ASIC1: variants seen among roughly 807,000 people sequenced by gnomAD.
The protein encoded by ASIC1 is acid-sensing ion channel 1.
A neutral mutation model predicts 63.4 loss-of-function variants in ASIC1; 21 were observed. The ratio of observed to expected loss-of-function variants is 0.33; its 90% CI spans 0.23 to 0.48. The LOEUF (loss-of-function observed/expected upper bound fraction) is 0.48. ASIC1 is among the 20% of genes least tolerant of loss of function. The pLI is 0.99. For synonymous variants in ASIC1, 258 were observed against 278.2 expected, an observed-to-expected ratio of 0.93 and a Z score of 0.72; for missense variants, 478 against 695.5, an observed-to-expected ratio of 0.69 and a Z score of 3.52.
In ASIC1 at chr12:50,081,873, G is replaced by A; in HGVS notation, c.*224G>A. ...CTAATCTAAAAAAGAACTAAAAAGG[G>A]AGAACGGGGCAAGGGACCTCAGGCT... On this transcript the variant is annotated 3_prime_UTR_variant, in exon 12 of 12. Coordinates refer to ENST00000447966, the MANE Select transcript of ASIC1 (RefSeq NM_001095.4). The A allele has an allele frequency of 1.8e-6, 1 of 563,918 alleles. No homozygotes were observed. Among genetic ancestry groups the A allele is most frequent in the South Asian group, 2.2e-5 (1 of 46,442 alleles). The allele number at this position is 563,918 out of a possible 1,614,324, so 34.9% of individuals were successfully genotyped here.
chr12:50,059,708 A>T lies in ASIC1; in HGVS notation c.363-51A>T. Reference sequence around the variant, plus strand: ...TGCCCCCATCACCCAAGTTGGGTGCAGGACACTGATGACTGTACTGACCCG... The same window carrying T: ...TGCCCCCATCACCCAAGTTGGGTGCTGGACACTGATGACTGTACTGACCCG... On this transcript the variant is annotated intron_variant, in intron 2 of 11. Transcript: ENST00000447966. This position sits in a 1 kb window ranked among gnomAD's most constrained non-coding sequence, Gnocchi z 4.6. 6.4e-7 allele frequency: 1 copy of T among 1,571,528 alleles called. No individual in the cohort carries two copies. The highest frequency in any genetic ancestry group is 8.7e-7 in the Non-Finnish European group (1 of 1,154,794).
chr12:50,068,989 T>C (rs181724747), intron 3 of ASIC1, among the ~76,000 whole-genome samples: 2 of 152,306 alleles, frequency 1.3e-5, no homozygotes, highest in African/African-American at 4.8e-5. Flanking sequence ...ACGCCTTCCA[T>C]GGGGAGTCTT....
In ASIC1 at chr12:50,081,929, G is replaced by T. The variant is rs1192759137; in HGVS notation, c.*280G>T. 19 of 455,236 alleles carry T rather than the reference G, an allele frequency of 4.2e-5. No individual in the cohort carries two copies. 28.2% of individuals were successfully genotyped at this position (455,236 alleles called of 1,614,324 possible). A position where few individuals can be genotyped will look rare whatever the true frequency, so the allele number is the denominator to read the frequency against. The stretch of plus-strand genomic sequence containing the variant: ...TCTCTCCTCCATGCTGCCTCCCCTA[G>T]CTCCCAGCCTGAATTCTGTCTATCT... On this transcript the variant is annotated 3_prime_UTR_variant, in exon 12 of 12. Transcript: ENST00000447966.
rs1950738970 is a variant in ASIC1 at position 50,083,224 on chromosome 12, AAG to A, written c.*1580_*1581del. Reference sequence around the variant, plus strand: ...TTCTGGTGAGGTGGGTTTGGGAGGAAAGAGAGGCCTAGAGGAGGAGTTGAAAG... The same window carrying A: ...TTCTGGTGAGGTGGGTTTGGGAGGAAAGAGGCCTAGAGGAGGAGTTGAAAG... On this transcript the variant is annotated 3_prime_UTR_variant, in exon 12 of 12. Transcript: ENST00000447966. The A allele has an allele frequency of 2.0e-5, 3 of 152,236 alleles. No individual in the cohort carries two copies. Among genetic ancestry groups the A allele is most frequent in the African/African-American group, 7.2e-5 (3 of 41,454 alleles). 9.4% of individuals were successfully genotyped at this position (152,236 alleles called of 1,614,324 possible).
Position 50,058,970 on chromosome 12 carries a change from C to T in ASIC1, c.204C>T (p.Tyr68=), listed in dbSNP as rs1222097481. Residue 68 remains tyrosine, a synonymous_variant, in exon 2 of 12, where the codon TAC becomes TAT. Transcript: ENST00000447966. ...TGTGCACGGAGCGTGTGCAGTACTA[C>T]TTCCACTACCACCATGTCACCAAGC... ...LCVCTERVQY[Y]FHYHHVTKLD... is the part of the protein sequence containing the mutation. The T allele has an allele frequency of 2.5e-6, 4 of 1,614,238 alleles. No individual in the cohort carries two copies. The highest frequency in any genetic ancestry group is 2.5e-6 in the Non-Finnish European group (3 of 1,180,040).
chr12:50,075,938 A>G (rs906869164), intron 3 of ASIC1, among the ~76,000 whole-genome samples: 2 of 152,164 alleles, frequency 1.3e-5, no homozygotes, highest in African/African-American at 4.8e-5. Flanking sequence ...TGGGGAGAAG[A>G]CTGGGGAGAC....
chr12:50,067,911 T>G (rs1425468525), intron 3 of ASIC1, among the ~76,000 whole-genome samples: 1 of 152,176 alleles, frequency 6.6e-6, no homozygotes, highest in Non-Finnish European at 1.5e-5. Flanking sequence ...ATGCACCAGC[T>G]TGAAAAATTT....
chr12:50,074,162 A>G lies in ASIC1; in HGVS notation c.559-3051A>G, dbSNP rs926897569. ...CCCTTTAACCTGCACCGCTTCTACA[A>G]TCGCTCCTGCCACCGGCTGGAGGAC... On this transcript the variant is annotated intron_variant, in intron 3 of 11. Transcript: ENST00000447966. This position sits in a 1 kb window ranked among gnomAD's most constrained non-coding sequence, Gnocchi z 4.2. The G allele has an allele frequency of 1.1e-5, 17 of 1,534,864 alleles. No homozygotes were observed. In the Admixed American group the frequency reaches 1.2e-4, roughly 11 times the overall value.
chr12:50,063,201 G>A (rs1950516196), intron 3 of ASIC1, among the ~76,000 whole-genome samples: 1 of 152,210 alleles, frequency 6.6e-6, no homozygotes, highest in Admixed American at 6.5e-5. Flanking sequence ...ATTCCATGGA[G>A]GGGGGCTGGG....
Position 50,073,603 on chromosome 12 carries a change from T to C in ASIC1, c.559-3610T>C, listed in dbSNP as rs767738696. 13 of 1,530,540 alleles carry C rather than the reference T, an allele frequency of 8.5e-6. No homozygotes were observed. In the South Asian group the frequency reaches 1.4e-4, roughly 17 times the overall value. The allele number at this position is 1,530,540 out of a possible 1,614,324, so 94.8% of individuals were successfully genotyped here. On this transcript the variant is annotated intron_variant, in intron 3 of 11. Coordinates refer to ENST00000447966, the MANE Select transcript of ASIC1 (RefSeq NM_001095.4). ...GGAGAAAATGCCCATCCAGATCTTC[T>C]GCTCCATGTCATTCTCCTCTGGAGA... is the stretch of plus-strand genomic sequence containing the variant.
rs1318165094 is a variant in ASIC1, at chr12:50,057,726, G to A, written c.-207G>A. 1 of 151,562 alleles carries A rather than the reference G, an allele frequency of 6.6e-6. No homozygotes were observed. The highest frequency in any genetic ancestry group is 6.6e-5 in the Admixed American group (1 of 15,212). 9.4% of individuals were successfully genotyped at this position (151,562 alleles called of 1,614,324 possible). On this transcript the variant is annotated 5_prime_UTR_variant, in exon 1 of 12. Transcript: ENST00000447966. The surrounding 1 kb of genome is among the most constrained non-coding windows in gnomAD (Gnocchi z 4.7). The stretch of plus-strand genomic sequence containing the variant: ...AGCGAGCCAGCGAGCCAGCGCGCGC[G>A]GGCGGGCGGACAGATCGGAGCCGAG...
chr12:50,057,675 G>A lies in ASIC1; in HGVS notation c.-258G>A, dbSNP rs1950457230. The A allele has an allele frequency of 6.6e-6, 1 of 151,408 alleles. No homozygotes were observed. The highest frequency in any genetic ancestry group is 2.4e-5 in the African/African-American group (1 of 41,372). 9.4% of individuals were successfully genotyped at this position (151,408 alleles called of 1,614,324 possible). On this transcript the variant is annotated 5_prime_UTR_variant, in exon 1 of 12. Transcript: ENST00000447966. This position sits in a 1 kb window ranked among gnomAD's most constrained non-coding sequence, Gnocchi z 4.7. ...GGCTGAGAGCACCGCGCACCGCGCC[G>A]AGCCCGGGCAGACCGAGCCGAGGCG...
chr12:50,065,331 A>G (rs1054141786), intron 3 of ASIC1, among the ~76,000 whole-genome samples: 2 of 152,166 alleles, frequency 1.3e-5, no homozygotes, highest in Admixed American at 6.5e-5. Context: ...AGGGGTGCCT[A>G]GCTGGGTGGA....
At chr12:50,069,184 G>A (rs952277721) in intron 3 of ASIC1, among the ~76,000 whole-genome samples, 1 of 146,668 alleles carries the variant, frequency 6.8e-6, no homozygotes, top group African/African-American at 2.5e-5. Flanking sequence ...AAGCGCTAGT[G>A]CGCACGTGCA....
chr12:50,071,605 A>G (rs1950600618), intron 3 of ASIC1, among the ~76,000 whole-genome samples: 1 of 151,852 alleles, frequency 6.6e-6, no homozygotes, highest in South Asian at 2.1e-4. Context: ...TGGGGCTACA[A>G]GAGAGGACTA....
At chr12:50,081,427 T>TGCCCCCCCCCCCCC in intron 11 of ASIC1, 63 bp downstream of exon 11, 1 of 1,411,148 alleles carries the variant, frequency 7.1e-7, no homozygotes, top group Non-Finnish European at 9.6e-7. Flanking sequence ...AGGAACCCCG[T>TGCCCCCCCCCCCCC]CCACCCCCGC....
intron 3 of ASIC1, among the ~76,000 whole-genome samples, chr12:50,060,584 G>A (rs768455887): frequency 6.6e-6 from 1 of 152,174 alleles, no homozygotes; most frequent in Non-Finnish European, 1.5e-5. Flanking sequence ...GGCAAGAGCC[G>A]CAGAGCCAGG....
chr12:50,064,856 A>T (rs1333981306), intron 3 of ASIC1, among the ~76,000 whole-genome samples: 1 of 152,208 alleles, frequency 6.6e-6, no homozygotes. Flanking sequence ...GCTCCACTGG[A>T]TTCATTCCCA....
At chr12:50,077,736 C>T (rs1057151794) in intron 4 of ASIC1, among the ~76,000 whole-genome samples, 3 of 152,138 alleles carry the variant, frequency 2.0e-5, no homozygotes, top group Admixed American at 2.0e-4. Context: ...CAGTGACACT[C>T]TGGGAGAAAG....
Sources: allele counts gnomAD v4.1 joint callset (sites outside exome capture counted in the v4.1 genomes callset), GRCh38; gene constraint gnomAD v4.1.1; non-coding constraint Gnocchi (gnomAD v3.1); transcripts MANE v1.5; gene names NCBI Gene and HGNC (gene_info 2026-07-23, HGNC 2026-07-21).